Variants in TARBP1 observed in about 807,000 individuals in gnomAD.
TARBP1 encodes tRNA guanosine 2 -O-methyltransferase TARBP1.
Under a neutral mutation model 178.6 loss-of-function variants are expected in TARBP1, and 144 were observed. That is an observed-to-expected ratio of 0.81 (90% CI 0.70 to 0.93). The LOEUF is 0.93. Ranked by LOEUF, TARBP1 falls within the 40% of genes least tolerant of loss-of-function variation. The pLI is 0.00. For synonymous variants in TARBP1, 787 were observed against 781.0 expected (o/e 1.01, Z -0.13); for missense variants, 2,067 against 2,011.7 (o/e 1.03, Z -0.53).
chr1:234,415,539 G>T (rs1402150521), intron 22 of TARBP1, among the ~76,000 whole-genome samples: 2 of 152,036 alleles, frequency 1.3e-5, no homozygotes, highest in Non-Finnish European at 2.9e-5. Flanking sequence ...ATGAGTGTTG[G>T]GGGACACTGA....
intron 20 of TARBP1, among the ~76,000 whole-genome samples, chr1:234,423,497 C>A (rs1011341636): frequency 2.0e-5 from 3 of 152,188 alleles, no homozygotes; most frequent in Non-Finnish European, 2.9e-5. Flanking sequence ...TGTCTCCACT[C>A]GCTAAACTCC....
chr1:234,403,442 T>C (rs556046574), intron 24 of TARBP1, among the ~76,000 whole-genome samples: 11 of 152,358 alleles, frequency 7.2e-5, no homozygotes, highest in African/African-American at 2.6e-4. Context: ...CACATTTACT[T>C]TTCTGTGATT....
chr1:234,478,101 T>C (rs2103327765), intron 1 of TARBP1, 72 bp downstream of exon 1: 1 of 1,476,196 alleles, frequency 6.8e-7, no homozygotes, highest in African/African-American at 1.4e-5. Context: ...AGCTAGTTTT[T>C]AGAAGCAGGA....
At chr1:234,429,111 G>A in intron 17 of TARBP1, 25 bp downstream of exon 17, 1 of 1,533,110 alleles carries the variant, frequency 6.5e-7, no homozygotes, top group Non-Finnish European at 8.7e-7. Context: ...GAAAAGAAAA[G>A]CAAAAAGAAA....
chr1:234,443,758 A>T (rs896497983), intron 12 of TARBP1, among the ~76,000 whole-genome samples: 6 of 152,220 alleles, frequency 3.9e-5, no homozygotes, highest in African/African-American at 1.2e-4. Context: ...AAACAACAGA[A>T]TATTATTTGG....
Position 234,478,935 on chromosome 1 carries a change from G to C in TARBP1, c.169C>G (p.Leu57Val), listed in dbSNP as rs776980304. The C allele has an allele frequency of 2.8e-6, 4 of 1,440,870 alleles. No individual in the cohort carries two copies. In the Admixed American group the frequency reaches 1.1e-4, roughly 41 times the overall value. 89.3% of individuals were successfully genotyped at this position (1,440,870 alleles called of 1,614,324 possible). ...EARGSGGAGA[L>V]PEAAREVAAG... The stretch of plus-strand genomic sequence containing the variant: ...GCCACCTCGCGCGCCGCCTCCGGGA[G>C]CGCGCCTGCGCCCCCGCTGCCGCGC... Residue 57 changes from leucine to valine, a missense_variant, in exon 1 of 30, where the codon CTC (leucine) becomes GTC (valine). Leu to Val is a conservative substitution (Grantham distance 32, BLOSUM62 1). Coordinates refer to ENST00000040877, the MANE Select transcript of TARBP1 (RefSeq NM_005646.4).
At position 234,479,140 on chromosome 1, in the gene TARBP1, A is replaced by C. The variant is rs778150888; in HGVS notation, c.-37T>G. ...CCGCGCCACCGGCCCGGGCTCCCAA[A>C]GGAAGGCGCCGGCGTGTGCGATGCG... On this transcript the variant is annotated 5_prime_UTR_variant, in exon 1 of 30. Transcript: ENST00000040877. 2.0e-6 allele frequency: 3 copies of C among 1,492,692 alleles called. No individual in the cohort carries two copies. Among genetic ancestry groups the C allele is most frequent in the Non-Finnish European group, 2.6e-6 (3 of 1,134,936 alleles). The allele number at this position is 1,492,692 out of a possible 1,614,324, so 92.5% of individuals were successfully genotyped here.
intron 6 of TARBP1, among the ~76,000 whole-genome samples, chr1:234,462,056 A>G (rs1200743776): frequency 2.0e-5 from 3 of 152,226 alleles, no homozygotes; most frequent in Non-Finnish European, 2.9e-5. Flanking sequence ...GAATGTTTTA[A>G]TTGCTCTTTT....
chr1:234,392,349 A>G, intron 29 of TARBP1, 67 bp downstream of exon 29: 1 of 1,566,604 alleles, frequency 6.4e-7, no homozygotes, highest in Non-Finnish European at 8.6e-7. Flanking sequence ...AACAAAAAAA[A>G]ACAAGGTAAC....
chr1:234,435,101 G>A (rs1664863415), intron 13 of TARBP1, among the ~76,000 whole-genome samples: 1 of 152,194 alleles, frequency 6.6e-6, no homozygotes, highest in African/African-American at 2.4e-5. Flanking sequence ...TGCTTAAAGA[G>A]AAGGACATAG....
chr1:234,450,352 C>T, intron 10 of TARBP1, 76 bp downstream of exon 10: 1 of 1,190,332 alleles, frequency 8.4e-7, no homozygotes, highest in Non-Finnish European at 1.2e-6. Context: ...GCCTAACTCT[C>T]AGTCTGAAAA....
At position 234,393,867 on chromosome 1, in the gene TARBP1, T is replaced by C. The variant is rs1487366570; in HGVS notation, c.4244-30A>G. ...GAAGGAAAAAGAAAACAATCCCACA[T>C]ATAAATAAATCTGAATCTCTATATA... On this transcript the variant is annotated intron_variant, in intron 26 of 29. Transcript: ENST00000040877. 9 of 1,532,244 alleles carry C rather than the reference T, an allele frequency of 5.9e-6. No homozygotes were observed. The South Asian group carries it at 9.3e-5, about 16-fold the overall frequency. 94.9% of individuals were successfully genotyped at this position (1,532,244 alleles called of 1,614,324 possible).
At chr1:234,476,397 G>C (rs2103321876) in intron 1 of TARBP1, among the ~76,000 whole-genome samples, 1 of 152,316 alleles carries the variant, frequency 6.6e-6, no homozygotes, top group South Asian at 2.1e-4. Flanking sequence ...AGAACACCCA[G>C]GTGAAGGGAA....
chr1:234,468,310 C>T (rs929429563), intron 3 of TARBP1, among the ~76,000 whole-genome samples: 5 of 152,032 alleles, frequency 3.3e-5, no homozygotes, highest in Non-Finnish European at 5.9e-5. Context: ...AGAAATCAGC[C>T]AGGCATGGTG....
rs1276500538 is a variant in TARBP1 at position 234,425,779 on chromosome 1, T to G, written c.3338A>C (p.Asp1113Ala). ...NIVMENTKRE[D>A]HYVRICAVKF... ...GACAGCACAAATTCTCACATAATGG[T>G]CTTCTCTCTTAGTACTAAAAAAATT... The change falls in exon 20 of 30, where the codon GAC becomes GCC. Residue 1113 changes from aspartate to alanine, a missense_variant. By Grantham distance (126) the Asp-to-Ala change is moderately radical (BLOSUM62 -2). Coordinates refer to ENST00000040877, the MANE Select transcript of TARBP1 (RefSeq NM_005646.4). The G allele has an allele frequency of 1.3e-6, 2 of 1,585,690 alleles. No individual in the cohort carries two copies. Among genetic ancestry groups the G allele is most frequent in the Non-Finnish European group, 1.7e-6 (2 of 1,158,036 alleles).
chr1:234,419,403 C>T (rs1413494914), intron 21 of TARBP1, among the ~76,000 whole-genome samples: 1 of 152,118 alleles, frequency 6.6e-6, no homozygotes, highest in Non-Finnish European at 1.5e-5. Context: ...TGTGTAACCT[C>T]TCGGGAAGGA....
chr1:234,414,036 GT>G (rs1370616027), intron 22 of TARBP1, among the ~76,000 whole-genome samples: 1 of 152,200 alleles, frequency 6.6e-6, no homozygotes, highest in Non-Finnish European at 1.5e-5. Flanking sequence ...TACGTTTTAG[GT>G]TATTTAGTCT....
At position 234,478,313 on chromosome 1, in the gene TARBP1, C is replaced by G; in HGVS notation, c.791G>C (p.Arg264Pro). Residue 264 changes from arginine to proline, a missense_variant, in exon 1 of 30, where the codon CGC becomes CCC. Physicochemically the swap from Arg to Pro is moderately radical, Grantham distance 103 (BLOSUM62 -2). Transcript: ENST00000040877. The stretch of plus-strand genomic sequence containing the variant: ...CCCCGCCTGCACCGTCCTCCAGAAG[C>G]GCCAGCAGCGCCGGGCGTCCGGGCC... Reference protein sequence around the residue: ...EAGPDARRCWRFWRTVQAGLG... With the variant: ...EAGPDARRCWPFWRTVQAGLG... 1 of 1,428,080 alleles carries G rather than the reference C, an allele frequency of 7.0e-7. No individual in the cohort carries two copies. The highest frequency in any genetic ancestry group is 9.2e-7 in the Non-Finnish European group (1 of 1,090,658). 88.5% of individuals were successfully genotyped at this position (1,428,080 alleles called of 1,614,324 possible).
rs770525737 is a variant in TARBP1 at position 234,401,244 on chromosome 1, C to G, written c.4008G>C (p.Trp1336Cys). 3 of 1,613,190 alleles carry G rather than the reference C, an allele frequency of 1.9e-6. No homozygotes were observed. The Admixed American group carries it at 5.0e-5, about 27-fold the overall frequency. Residue 1336 changes from tryptophan to cysteine, a missense_variant, in exon 25 of 30, where the codon TGG (tryptophan) becomes TGC (cysteine). Coordinates refer to ENST00000040877, the MANE Select transcript of TARBP1 (RefSeq NM_005646.4). ...MHGAGNAKKN[W>C]QRIQEHFFFA... ...AAAAGAAATGCTCCTGAATGCGTTG[C>G]CAATTCTTCTTGGCATTCCTAAGGA...
Sources: allele counts gnomAD v4.1 joint callset (sites outside exome capture counted in the v4.1 genomes callset), GRCh38; gene constraint gnomAD v4.1.1; transcripts MANE v1.5; gene names NCBI Gene and HGNC (gene_info 2026-07-23, HGNC 2026-07-21).